CSMD3: variants seen among roughly 807,000 people sequenced by gnomAD.
The protein encoded by CSMD3 is CUB and Sushi multiple domains 3, also known as CUB and sushi domain-containing protein 3.
Under a neutral mutation model 435.2 loss-of-function variants are expected in CSMD3, and 177 were observed. The ratio of observed to expected loss-of-function variants is 0.41; its 90% CI spans 0.36 to 0.46. CSMD3 has a LOEUF of 0.46. Ranked by LOEUF, CSMD3 falls within the 20% of genes least tolerant of loss-of-function variation. CSMD3 has a pLI of 0.34. For synonymous variants in CSMD3, 1,656 were observed against 1,520.5 expected, an observed-to-expected ratio of 1.09 and a Z score of -2.07; for missense variants, 4,265 against 4,504.6, an observed-to-expected ratio of 0.95 and a Z score of 1.52.
Position 112,492,479 on chromosome 8 carries a change from T to A in CSMD3, c.5278+10A>T, listed in dbSNP as rs376632362. The A allele has an allele frequency of 6.8e-6, 11 of 1,610,988 alleles. No homozygotes were observed. In the African/African-American group the frequency reaches 1.5e-4, roughly 22 times the overall value. On this transcript the variant is annotated intron_variant, in intron 31 of 70. Transcript: ENST00000297405. Reference sequence around the variant, plus strand: ...ATCATGAAAATTCAGCCAAAAAATATGTTCCTTACCATGACAACTTGGCAA... The same window carrying A: ...ATCATGAAAATTCAGCCAAAAAATAAGTTCCTTACCATGACAACTTGGCAA...
chr8:113,023,130 A>C (rs1278606516), intron 5 of CSMD3, among the ~76,000 whole-genome samples: 1 of 152,040 alleles, frequency 6.6e-6, no homozygotes, highest in African/African-American at 2.4e-5. Flanking sequence ...TTATAAGATA[A>C]ATTGTCAGGT....
At chr8:112,316,828 G>T (rs1375241137) in intron 47 of CSMD3, among the ~76,000 whole-genome samples, 1 of 151,736 alleles carries the variant, frequency 6.6e-6, no homozygotes, top group Non-Finnish European at 1.5e-5. Flanking sequence ...ACCATATCTG[G>T]AATTATTTTC....
At chr8:113,272,694 A>T (rs1461090935) in intron 3 of CSMD3, among the ~76,000 whole-genome samples, 2 of 152,202 alleles carry the variant, frequency 1.3e-5, no homozygotes, top group Admixed American at 1.3e-4. Flanking sequence ...ATTAAAATGG[A>T]CTAATACAGA....
intron 12 of CSMD3, among the ~76,000 whole-genome samples, chr8:112,821,143 T>C (rs886901920): frequency 6.6e-6 from 1 of 152,196 alleles, no homozygotes; most frequent in African/African-American, 2.4e-5. Flanking sequence ...TATAGAATGA[T>C]TTATATTCCT....
At chr8:112,783,424 G>GGGAGGGAAGGAA (rs2078446426) in intron 13 of CSMD3, among the ~76,000 whole-genome samples, 7 of 56,930 alleles carry the variant, frequency 1.2e-4, no homozygotes, top group East Asian at 6.7e-4. Flanking sequence ...GAGGGAGGGA[G>GGGAGGGAAGGAA]GGAAGGAAGG....
At chr8:112,423,617 T>C (rs755097606) in intron 32 of CSMD3, among the ~76,000 whole-genome samples, 1 of 152,148 alleles carries the variant, frequency 6.6e-6, no homozygotes, top group Non-Finnish European at 1.5e-5. Flanking sequence ...CTAAGTTTTG[T>C]ATTCTTTTGT....
intron 47 of CSMD3, among the ~76,000 whole-genome samples, 196 bp from the exon 48 acceptor site, chr8:112,314,813 G>T (rs186191825): frequency 2.7e-3 from 412 of 151,950 alleles, no homozygotes; most frequent in African/African-American, 9.4e-3. Context: ...TTATAGTATT[G>T]ATTTATTTTT....
intron 10 of CSMD3, among the ~76,000 whole-genome samples, chr8:112,898,712 A>G (rs961403038): frequency 6.6e-6 from 1 of 151,266 alleles, no homozygotes; most frequent in African/African-American, 2.4e-5. Context: ...GCACACCAAC[A>G]TGTATTTTCA....
rs1240403690 is a variant in CSMD3, at chr8:112,224,494, A to C, written c.*277T>G. The C allele has an allele frequency of 1.1e-5, 5 of 453,354 alleles. No individual in the cohort carries two copies. The highest frequency in any genetic ancestry group is 2.0e-5 in the Non-Finnish European group (5 of 245,282). 28.1% of individuals were successfully genotyped at this position (453,354 alleles called of 1,614,324 possible). A position where few individuals can be genotyped will look rare whatever the true frequency, so the allele number is the denominator to read the frequency against. On this transcript the variant is annotated 3_prime_UTR_variant, in exon 71 of 71. Coordinates refer to ENST00000297405, the MANE Select transcript of CSMD3 (RefSeq NM_198123.2). The stretch of plus-strand genomic sequence containing the variant: ...GTGGATGCTCCTCCAATATATGCAA[A>C]TAAGTTTATATTTTAGAATAATCTC...
chr8:113,001,817 G>A lies in CSMD3; in HGVS notation c.1030+17250C>T, dbSNP rs76857174. On this transcript the variant is annotated intron_variant, in intron 6 of 70. Transcript: ENST00000297405. ...TGTAAGTCATTTTACTTAAAGCCAC[G>A]GTATCTAAGAACCTATTGGAAGAAC... Among the ~76,000 whole-genome samples, 582 of 152,074 alleles carry A rather than the reference G, an allele frequency of 3.8e-3. 17 individuals carry two copies. In the East Asian group the frequency reaches 0.073, roughly 19 times the overall value.
intron 35 of CSMD3, among the ~76,000 whole-genome samples, chr8:112,399,917 T>C (rs948449057): frequency 4.6e-5 from 7 of 152,192 alleles, no homozygotes; most frequent in African/African-American, 1.7e-4. Flanking sequence ...AGAGCTTTCC[T>C]CCTTTTCTTC....
At chr8:112,692,361 T>G (rs1297310108) in intron 13 of CSMD3, among the ~76,000 whole-genome samples, 1 of 152,190 alleles carries the variant, frequency 6.6e-6, no homozygotes, top group Non-Finnish European at 1.5e-5. Context: ...TTGTAACTCA[T>G]AAATAATGTC....
At chr8:113,019,213 A>C (rs760900715) in intron 5 of CSMD3, 34 bp from the exon 6 acceptor site, 2 of 1,448,186 alleles carry the variant, frequency 1.4e-6, no homozygotes, top group East Asian at 4.5e-5. Context: ...AAAAAATTTA[A>C]AAAGCTTTTC....
intron 5 of CSMD3, among the ~76,000 whole-genome samples, chr8:113,088,082 T>C (rs1294566428): frequency 1.3e-5 from 2 of 149,846 alleles, no homozygotes; most frequent in Non-Finnish European, 3.0e-5. Context: ...AAGAAGACAT[T>C]TGTGCAGCCA....
chr8:113,103,833 AAG>A (rs2131568580), intron 4 of CSMD3, among the ~76,000 whole-genome samples: 1 of 152,200 alleles, frequency 6.6e-6, no homozygotes, highest in South Asian at 2.1e-4. Context: ...TTAAAGTGAA[AAG>A]GTTTTTAAAA....
intron 16 of CSMD3, among the ~76,000 whole-genome samples, chr8:112,677,640 G>A (rs1344269039): frequency 1.3e-5 from 2 of 151,716 alleles, no homozygotes; most frequent in Non-Finnish European, 2.9e-5. Context: ...AGAGTACTTT[G>A]AATTTGAAAT....
intron 47 of CSMD3, among the ~76,000 whole-genome samples, chr8:112,317,801 C>T (rs1822612606): frequency 6.6e-6 from 1 of 151,934 alleles, no homozygotes; most frequent in South Asian, 2.1e-4. Context: ...TTATAGTATG[C>T]TTAAAACCCC....
At chr8:113,208,664 T>C (rs2092798611) in intron 3 of CSMD3, among the ~76,000 whole-genome samples, 1 of 151,946 alleles carries the variant, frequency 6.6e-6, no homozygotes, top group African/African-American at 2.4e-5. Context: ...ATCACATAAA[T>C]AAAGATGAAA....
intron 5 of CSMD3, among the ~76,000 whole-genome samples, chr8:113,064,792 T>G (rs1452885096): frequency 6.6e-6 from 1 of 152,186 alleles, no homozygotes; most frequent in Non-Finnish European, 1.5e-5. Flanking sequence ...TTTTCTTTTA[T>G]TTATTTTGGA....
Sources: allele counts gnomAD v4.1 joint callset (sites outside exome capture counted in the v4.1 genomes callset), GRCh38; gene constraint gnomAD v4.1.1; transcripts MANE v1.5; gene names NCBI Gene and HGNC (gene_info 2026-07-23, HGNC 2026-07-21).